Variants in DAB1 observed in about 807,000 individuals in gnomAD.
DAB1 encodes the protein disabled homolog 1.
DAB1 carries 15 observed loss-of-function variants against 64.6 expected under a neutral mutation model. That is an observed-to-expected ratio of 0.23 (90% CI 0.16 to 0.36). The LOEUF is 0.36. DAB1 is among the 10% of genes least tolerant of loss of function. The probability of loss-of-function intolerance (pLI) is 1.00; values close to 1 mark genes in which losing one functional copy is unlikely to be tolerated. For synonymous variants in DAB1, 235 were observed against 251.9 expected, an observed-to-expected ratio of 0.93 and a Z score of 0.64; for missense variants, 596 against 706.7, an observed-to-expected ratio of 0.84 and a Z score of 1.78.
chr1:58,522,840 G>A (rs1278735841), intron 2 of DAB1, among the ~76,000 whole-genome samples: 1 of 152,170 alleles, frequency 6.6e-6, no homozygotes, highest in Non-Finnish European at 1.5e-5. Context: ...TCATTAAGTG[G>A]AAGTGGATCA....
At chr1:57,739,667 G>C (rs1258961802) in intron 6 of DAB1, among the ~76,000 whole-genome samples, 1 of 150,624 alleles carries the variant, frequency 6.6e-6, no homozygotes, top group African/African-American at 2.4e-5. Flanking sequence ...TGGCCAGGCT[G>C]GTCTCAAACT....
chr1:58,126,261 G>T (rs1314031531), intron 5 of DAB1, among the ~76,000 whole-genome samples: 6 of 152,054 alleles, frequency 3.9e-5, no homozygotes, highest in African/African-American at 1.4e-4. Context: ...AAACGAAGAA[G>T]GGAACACACC....
chr1:57,310,337 G>A (rs1477853044), intron 1 of DAB1, among the ~76,000 whole-genome samples: 1 of 152,130 alleles, frequency 6.6e-6, no homozygotes, highest in African/African-American at 2.4e-5. Flanking sequence ...GAGGCAGAGG[G>A]AACAGCAAGC....
At chr1:57,245,529 G>C (rs371264102) in intron 2 of DAB1, among the ~76,000 whole-genome samples, 4 of 152,262 alleles carry the variant, frequency 2.6e-5, no homozygotes, top group African/African-American at 4.8e-5. Flanking sequence ...AGAACTTGTG[G>C]TGTTTGGTTT....
chr1:57,230,401 CA>C (rs71870999), intron 2 of DAB1, among the ~76,000 whole-genome samples: 19,057 of 149,140 alleles, frequency 0.13, 2,895 homozygotes, highest in African/African-American at 0.37. Context: ...ATCAGATTTT[CA>C]AAAAAAATGT....
At chr1:58,444,255 A>C (rs1645042035) in intron 3 of DAB1, among the ~76,000 whole-genome samples, 2 of 152,260 alleles carry the variant, frequency 1.3e-5, no homozygotes, top group African/African-American at 4.8e-5. Context: ...CAGGAGAAAT[A>C]AAAACAGCCA....
At chr1:57,423,342 G>A (rs1685077697) in intron 1 of DAB1, among the ~76,000 whole-genome samples, 1 of 152,072 alleles carries the variant, frequency 6.6e-6, no homozygotes, top group Non-Finnish European at 1.5e-5. Flanking sequence ...GGGGTCCGAG[G>A]AACGCGGGAT....
intron 2 of DAB1, among the ~76,000 whole-genome samples, chr1:57,213,197 G>T (rs1386049551): frequency 6.6e-6 from 1 of 152,104 alleles, no homozygotes; most frequent in Non-Finnish European, 1.5e-5. Flanking sequence ...ATGGGGGATG[G>T]GGGGTGGGAT....
rs79727968 is a variant in DAB1 at position 58,538,328 on chromosome 1, T to C, written n.32+8375A>G. 3.6e-4 allele frequency among the ~76,000 whole-genome samples: 55 copies of C among 152,312 alleles called. 2 individuals are homozygous for C. The highest frequency in any genetic ancestry group is 1.1e-3 in the African/African-American group (47 of 41,588). On this transcript the variant is annotated intron_variant and non_coding_transcript_variant, in intron 1 of 20. Coordinates refer to the DAB1 transcript ENST00000485760. ...AAGCATTAATGACTTAAGAGTTAAC[T>C]AGGAGTGAGCCCACCCTTATATAAG...
At position 58,071,159 on chromosome 1, in the gene DAB1, C is replaced by T. The variant is rs140326170; in HGVS notation, n.387+79352G>A. Reference sequence around the variant, plus strand: ...GAATGGCCAGATGGGCAGGAGGAAACGAGGAAAATCTACATTTGCTTTTAA... The same window carrying T: ...GAATGGCCAGATGGGCAGGAGGAAATGAGGAAAATCTACATTTGCTTTTAA... On this transcript the variant is annotated intron_variant and non_coding_transcript_variant, in intron 5 of 20. Transcript: ENST00000485760. 2.3e-3 allele frequency among the ~76,000 whole-genome samples: 355 copies of T among 152,116 alleles called. 1 individual carries two copies. The highest frequency in any genetic ancestry group is 8.0e-3 in the African/African-American group (331 of 41,496).
intron 3 of DAB1, among the ~76,000 whole-genome samples, chr1:58,445,857 A>G (rs1033954209): frequency 6.6e-6 from 1 of 152,166 alleles, no homozygotes; most frequent in African/African-American, 2.4e-5. Context: ...CAGAGACAGA[A>G]AGTCAGGCTC....
At chr1:57,031,455 A>G (rs1646964289) in intron 9 of DAB1, among the ~76,000 whole-genome samples, 1 of 152,242 alleles carries the variant, frequency 6.6e-6, no homozygotes, top group Admixed American at 6.5e-5. Context: ...AGTTTGCAAT[A>G]CAGTTTCAAA....
chr1:57,170,218 C>T (rs577238249), intron 2 of DAB1, among the ~76,000 whole-genome samples: 2 of 152,046 alleles, frequency 1.3e-5, no homozygotes, highest in African/African-American at 4.8e-5. Flanking sequence ...AGGCTGATCT[C>T]GAACTCTTGA....
intron 7 of DAB1, among the ~76,000 whole-genome samples, chr1:57,585,023 G>T (rs1457169257): frequency 6.6e-6 from 1 of 152,088 alleles, no homozygotes; most frequent in East Asian, 1.9e-4. Flanking sequence ...GGCCAAGGTG[G>T]GCAGATCACA....
intron 7 of DAB1, among the ~76,000 whole-genome samples, chr1:57,496,869 T>C (rs1054839181): frequency 1.3e-5 from 2 of 152,180 alleles, no homozygotes; most frequent in Non-Finnish European, 2.9e-5. Context: ...TGTTTCAGTA[T>C]TTCTTACACA....
chr1:57,014,356 T>C (rs772028420), intron 12 of DAB1, among the ~76,000 whole-genome samples: 3 of 152,246 alleles, frequency 2.0e-5, no homozygotes, highest in African/African-American at 7.2e-5. Context: ...TGCGTATCTC[T>C]GCCCTAAGTT....
At chr1:57,713,939 T>G (rs948744066) in intron 6 of DAB1, among the ~76,000 whole-genome samples, 1 of 152,186 alleles carries the variant, frequency 6.6e-6, no homozygotes, top group Non-Finnish European at 1.5e-5. Flanking sequence ...CTGTCTATAT[T>G]GATTTATTCA....
intron 7 of DAB1, among the ~76,000 whole-genome samples, chr1:57,561,394 G>A (rs1384381574): frequency 6.6e-6 from 1 of 152,190 alleles, no homozygotes; most frequent in East Asian, 1.9e-4. Context: ...ATGACCAGAT[G>A]TGCGATTATA....
chr1:58,074,564 G>GTGTGTGTATATATATATA (rs1332531604), intron 5 of DAB1: 116 of 91,622 alleles, frequency 1.3e-3, no homozygotes, highest in African/African-American at 4.4e-3. Context: ...ATATATGTGT[G>GTGTGTGTATATATATATA]TATATATATA....
Sources: allele counts gnomAD v4.1 joint callset (sites outside exome capture counted in the v4.1 genomes callset), GRCh38; gene constraint gnomAD v4.1.1; transcripts MANE v1.5; gene names NCBI Gene and HGNC (gene_info 2026-07-23, HGNC 2026-07-21).